ZNF516: variants seen among roughly 807,000 people sequenced by gnomAD.
The protein encoded by ZNF516 is zinc finger protein 516.
A neutral mutation model predicts 79.7 loss-of-function variants in ZNF516; 19 were observed. That is an observed-to-expected ratio of 0.24 (90% CI 0.17 to 0.35). The LOEUF (loss-of-function observed/expected upper bound fraction) is 0.35, where lower values mean the gene tolerates loss of function less well. ZNF516 is among the 10% of genes least tolerant of loss of function. The pLI is 1.00. For missense variants in ZNF516, 1,678 were observed against 1,679.5 expected (o/e 1.00, Z 0.02); for synonymous variants, 877 against 739.5 (o/e 1.19, Z -3.02).
chr18:76,370,607 AG>A lies in ZNF516; in HGVS notation c.3365-13del, dbSNP rs756908149. ...GGACTCAAACACCACTGTGGGAACA[AG>A]GGGTTTGTTAACAGATCAGCGTGTG... On this transcript the variant is annotated splice_polypyrimidine_tract_variant and intron_variant, in intron 5 of 6. Coordinates refer to ENST00000443185, the MANE Select transcript of ZNF516 (RefSeq NM_014643.4). 1 of 1,592,944 alleles carries A rather than the reference AG, an allele frequency of 6.3e-7. No individual in the cohort carries two copies. Among genetic ancestry groups the A allele is most frequent in the East Asian group, 2.3e-5 (1 of 44,170 alleles).
chr18:76,496,364 G>A (rs931850492), upstream of ZNF516: 1 of 1,289,624 alleles, frequency 7.8e-7, no homozygotes, highest in Non-Finnish European at 1.0e-6. Context: ...GTGGCTCCGC[G>A]TAGCAATCAG....
At chr18:76,464,054 G>T (rs1439034176) in intron 1 of ZNF516, among the ~76,000 whole-genome samples, 1 of 152,056 alleles carries the variant, frequency 6.6e-6, no homozygotes, top group Non-Finnish European at 1.5e-5. Flanking sequence ...CCGGGCGCGG[G>T]TGCTCACACC....
intron 3 of ZNF516, among the ~76,000 whole-genome samples, chr18:76,382,128 T>C (rs1021351733): frequency 1.3e-5 from 2 of 149,466 alleles, no homozygotes; most frequent in Admixed American, 1.4e-4. Context: ...CAAGACTCCA[T>C]CTTAAAAAAT....
chr18:76,428,231 C>CAA (rs879590266), intron 3 of ZNF516, among the ~76,000 whole-genome samples: 97 of 141,174 alleles, frequency 6.9e-4, no homozygotes, highest in Non-Finnish European at 1.2e-3. Context: ...ACTAAAAATG[C>CAA]AAAAAAAAAA....
At chr18:76,447,072 G>T (rs140162421) in intron 2 of ZNF516, among the ~76,000 whole-genome samples, 1,965 of 152,252 alleles carry the variant, frequency 0.013, 23 homozygotes, top group Middle Eastern at 0.031. Context: ...TCCCTGCAAC[G>T]AACTCTCCTA....
chr18:76,428,978 C>T (rs886894828), intron 3 of ZNF516, among the ~76,000 whole-genome samples: 3 of 152,252 alleles, frequency 2.0e-5, no homozygotes, highest in Non-Finnish European at 2.9e-5. Context: ...GCCAGGAGGC[C>T]GCTCAGGAGG....
intron 1 of ZNF516, chr18:76,492,240 G>T (rs1915273292): frequency 1.0e-6 from 1 of 985,376 alleles, no homozygotes; most frequent in Non-Finnish European, 1.2e-6. Context: ...CGGAGATGCT[G>T]CTCGGCTCAG....
chr18:76,442,136 T>C lies in ZNF516; in HGVS notation c.919A>G (p.Arg307Gly). Reference sequence around the variant, plus strand: ...ATGGGGTCCAGCTCACTCTTGGGCCTGTTCTTGCTGCCCGTCTTGGGGCCG... The same window carrying C: ...ATGGGGTCCAGCTCACTCTTGGGCCCGTTCTTGCTGCCCGTCTTGGGGCCG... ...AHGPKTGSKN[R>G]PKSELDPIAT... is the part of the protein sequence containing the mutation. The change falls in exon 3 of 7, where the codon AGG becomes GGG. Residue 307 changes from arginine to glycine, a missense_variant. This residue lies in a region of ZNF516 where 1,294 missense variants were observed against 1,248.3 expected (regional missense o/e 1.04). Coordinates refer to ENST00000443185, the MANE Select transcript of ZNF516 (RefSeq NM_014643.4). 2 of 1,613,988 alleles carry C rather than the reference T, an allele frequency of 1.2e-6. No homozygotes were observed. The highest frequency in any genetic ancestry group is 8.5e-7 in the Non-Finnish European group (1 of 1,179,882).
At chr18:76,372,732 T>C (rs900144808) in intron 4 of ZNF516, 1 of 152,336 alleles carries the variant, frequency 6.6e-6, no homozygotes, top group Admixed American at 6.5e-5. Flanking sequence ...TCTTGTCAAA[T>C]TTCTTATATG....
intron 6 of ZNF516, among the ~76,000 whole-genome samples, chr18:76,368,022 C>T (rs1217340165): frequency 6.6e-6 from 1 of 151,976 alleles, no homozygotes; most frequent in Non-Finnish European, 1.5e-5. Flanking sequence ...GAAAAGAATC[C>T]GATTTAAATA....
intron 3 of ZNF516, among the ~76,000 whole-genome samples, chr18:76,402,970 A>G (rs981483463): frequency 6.6e-6 from 1 of 152,262 alleles, no homozygotes; most frequent in African/African-American, 2.4e-5. Context: ...GCTGAGAGCC[A>G]GAAGCCACCT....
At chr18:76,370,442 G>A (rs2074683582) in intron 6 of ZNF516, 86 bp downstream of exon 6, 1 of 1,280,460 alleles carries the variant, frequency 7.8e-7, no homozygotes, top group South Asian at 1.5e-5. Context: ...ACAAAAAGAA[G>A]GTCATGCTTC....
intron 3 of ZNF516, among the ~76,000 whole-genome samples, chr18:76,410,549 G>A (rs1314027305): frequency 6.6e-6 from 1 of 152,202 alleles, no homozygotes; most frequent in African/African-American, 2.4e-5. Context: ...CAGGTACCGA[G>A]ACGCTTTTCT....
rs571789173 is a variant in ZNF516, at chr18:76,361,188, A to G, written c.*1310T>C. On this transcript the variant is annotated 3_prime_UTR_variant, in exon 7 of 7. Transcript: ENST00000443185. ...GTAACTTTTGATAATGCATAAAATCATATGTGCAAAAATCTGAAACTCTCA... is the reference window on the plus strand; with the variant it reads ...GTAACTTTTGATAATGCATAAAATCGTATGTGCAAAAATCTGAAACTCTCA... The G allele has an allele frequency of 2.6e-5, 4 of 152,356 alleles. No homozygotes were observed. Among genetic ancestry groups the G allele is most frequent in the African/African-American group, 7.2e-5 (3 of 41,580 alleles). The allele number at this position is 152,356 out of a possible 1,614,324, so 9.4% of individuals were successfully genotyped here. A position where few individuals can be genotyped will look rare whatever the true frequency, so the allele number is the denominator to read the frequency against.
chr18:76,469,428 T>C (rs1913695173), intron 1 of ZNF516, among the ~76,000 whole-genome samples: 2 of 152,220 alleles, frequency 1.3e-5, no homozygotes, highest in African/African-American at 4.8e-5. Context: ...GCACTCATGA[T>C]TTTAGGTTAC....
intron 3 of ZNF516, among the ~76,000 whole-genome samples, chr18:76,390,820 T>C (rs1175363266): frequency 6.6e-6 from 1 of 152,146 alleles, no homozygotes; most frequent in Non-Finnish European, 1.5e-5. Flanking sequence ...CCTGGAACCA[T>C]GCCAGGAACT....
chr18:76,434,220 G>C (rs1002007752), intron 3 of ZNF516, among the ~76,000 whole-genome samples: 1 of 151,342 alleles, frequency 6.6e-6, no homozygotes. Flanking sequence ...CTACAAAAAG[G>C]AACCCTTCCA....
rs376053790 is a variant in ZNF516 at position 76,442,320 on chromosome 18, G to A, written c.735C>T (p.Pro245=). The change falls in exon 3 of 7, where the codon CCC becomes CCT. Residue 245 remains proline (P), a synonymous_variant. Transcript: ENST00000443185. Reference sequence around the variant, plus strand: ...CACACACCTCGCACGGGAACTCCCCGGGGCTCAGCTCGGGCTTGCCGTTCT... The same window carrying A: ...CACACACCTCGCACGGGAACTCCCCAGGGCTCAGCTCGGGCTTGCCGTTCT... The part of the protein sequence containing the change: ...CVENGKPELS[P]GEFPCEVCGQ... 2.0e-5 allele frequency: 32 copies of A among 1,611,530 alleles called. No individual in the cohort carries two copies. Among genetic ancestry groups the A allele is most frequent in the African/African-American group, 1.3e-4 (10 of 75,030 alleles).
chr18:76,443,847 G>C (rs939281636), intron 2 of ZNF516, among the ~76,000 whole-genome samples: 1 of 152,216 alleles, frequency 6.6e-6, no homozygotes, highest in African/African-American at 2.4e-5. Flanking sequence ...TCCTAGTGAG[G>C]CTGGGTCTGC....
Sources: gnomAD v4.1 joint callset for allele counts (sites outside exome capture counted in the v4.1 genomes callset) on GRCh38, gnomAD v4.1.1 for gene constraint, gnomAD v4.1.1 regional missense constraint, MANE v1.5 for transcripts, NCBI Gene and HGNC (gene_info 2026-07-23, HGNC 2026-07-21) for gene names.